Variants in NHSL1 observed in about 807,000 individuals in gnomAD.
NHSL1 encodes the protein NHS like 1.
In NHSL1, 48 loss-of-function variants were observed where a neutral mutation model predicts 95.0. That is an observed-to-expected ratio of 0.51 (90% CI 0.40 to 0.64). The LOEUF (loss-of-function observed/expected upper bound fraction) is 0.64, where lower values mean the gene tolerates loss of function less well. Among genes scored for constraint, NHSL1 ranks in the 30% least tolerant of loss-of-function variants. NHSL1 has a pLI of 0.00. For missense variants in NHSL1, 1,971 were observed against 2,077.7 expected (o/e 0.95, Z 1.00); for synonymous variants, 783 against 833.9 (o/e 0.94, Z 1.05).
chr6:138,496,548 T>C (rs1275692555), intron 1 of NHSL1, among the ~76,000 whole-genome samples, 177 bp from the exon 2 acceptor site: 1 of 152,182 alleles, frequency 6.6e-6, no homozygotes, highest in Non-Finnish European at 1.5e-5. Context: ...CACAGTGTTT[T>C]ACTTATAAAA....
intron 1 of NHSL1, among the ~76,000 whole-genome samples, chr6:138,543,076 T>C (rs1782645202): frequency 6.6e-6 from 1 of 152,216 alleles, no homozygotes; most frequent in Non-Finnish European, 1.5e-5. Flanking sequence ...TTCTACGTCT[T>C]AGAATAATCT....
chr6:138,502,210 G>T (rs113481682), upstream of NHSL1, among the ~76,000 whole-genome samples: 8 of 152,220 alleles, frequency 5.3e-5, no homozygotes, highest in Admixed American at 4.6e-4. Context: ...CATTTCTTGC[G>T]TTCTATATTA....
intron 1 of NHSL1, among the ~76,000 whole-genome samples, chr6:138,625,508 C>G (rs1227517014): frequency 6.6e-6 from 1 of 152,036 alleles, no homozygotes; most frequent in Non-Finnish European, 1.5e-5. Flanking sequence ...ATCACCACTC[C>G]TTACTGGGTA....
chr6:138,497,659 A>G (rs1433343692), intron 1 of NHSL1, among the ~76,000 whole-genome samples: 1 of 152,238 alleles, frequency 6.6e-6, no homozygotes, highest in African/African-American at 2.4e-5. Context: ...ACTTAGCTCA[A>G]GAAATAACTC....
intron 1 of NHSL1, among the ~76,000 whole-genome samples, chr6:138,565,256 C>T (rs779304439): frequency 3.9e-5 from 6 of 151,904 alleles, no homozygotes; most frequent in Non-Finnish European, 8.8e-5. Flanking sequence ...ACAGGTATGC[C>T]GCACTAAACC....
At chr6:138,506,186 C>G (rs1276611505) in intron 1 of NHSL1, among the ~76,000 whole-genome samples, 2 of 151,870 alleles carry the variant, frequency 1.3e-5, no homozygotes, top group African/African-American at 4.8e-5. Flanking sequence ...AATGTTTTAC[C>G]AATAGATAAA....
At chr6:138,627,224 C>T (rs979464213) in intron 1 of NHSL1, among the ~76,000 whole-genome samples, 2 of 152,190 alleles carry the variant, frequency 1.3e-5, no homozygotes, top group Non-Finnish European at 2.9e-5. Flanking sequence ...CTACCTACCA[C>T]ACAGTCTGTC....
chr6:138,594,453 TG>T (rs1160116858), intron 1 of NHSL1, among the ~76,000 whole-genome samples: 1 of 152,144 alleles, frequency 6.6e-6, no homozygotes, highest in Non-Finnish European at 1.5e-5. Flanking sequence ...GGGACTGACG[TG>T]ACATCGTTGA....
intron 1 of NHSL1, among the ~76,000 whole-genome samples, chr6:138,626,994 A>C (rs1425597054): frequency 2.0e-5 from 3 of 151,276 alleles, no homozygotes; most frequent in African/African-American, 7.3e-5. Flanking sequence ...ACACCTTCTT[A>C]TTGAAAGTCT....
chr6:138,438,799 A>C (rs1776349367), intron 5 of NHSL1, among the ~76,000 whole-genome samples: 1 of 152,166 alleles, frequency 6.6e-6, no homozygotes, highest in South Asian at 2.1e-4. Context: ...AACTACCAAA[A>C]ATTATTAATA....
At chr6:138,488,247 C>T (rs1779839643) in intron 2 of NHSL1, among the ~76,000 whole-genome samples, 1 of 151,800 alleles carries the variant, frequency 6.6e-6, no homozygotes, top group East Asian at 1.9e-4. Flanking sequence ...CACTGCACTC[C>T]AGCCTGGGCA....
intron 1 of NHSL1, among the ~76,000 whole-genome samples, chr6:138,670,054 G>A (rs1277640999): frequency 1.3e-5 from 2 of 152,100 alleles, no homozygotes; most frequent in African/African-American, 4.8e-5. Context: ...CCAGGAGGTG[G>A]AGGTTGCAGT....
rs546787260 is a variant in NHSL1, at chr6:138,433,372, G to T, written c.973C>A (p.Leu325Ile). 1.4e-5 allele frequency: 21 copies of T among 1,552,150 alleles called. No individual in the cohort carries two copies. Among genetic ancestry groups the T allele is most frequent in the Non-Finnish European group, 1.8e-5 (21 of 1,147,128 alleles). Residue 325 changes from leucine to isoleucine, a missense_variant, in exon 6 of 8, where the codon CTT (leucine) becomes ATT (isoleucine). Coordinates refer to ENST00000343505, the MANE Select transcript of NHSL1 (RefSeq NM_001144060.2). ...TTTGCCCTTGCTCCAGAACGCGGAA[G>T]ACTATGGAAGCCAGCATCACTGTCA... ...RLDSDAGFHS[L>I]PRSGARANIQ...
chr6:138,427,536 A>C (rs2128190916), intron 7 of NHSL1, among the ~76,000 whole-genome samples: 1 of 152,332 alleles, frequency 6.6e-6, no homozygotes, highest in East Asian at 1.9e-4. Context: ...ATTAAATCTA[A>C]ATGTACAAAT....
chr6:138,451,821 T>C (rs771692882), intron 3 of NHSL1, among the ~76,000 whole-genome samples: 6 of 152,212 alleles, frequency 3.9e-5, no homozygotes, highest in Non-Finnish European at 8.8e-5. Flanking sequence ...CTAGGTCTTC[T>C]GGTCTCAAAA....
intron 1 of NHSL1, among the ~76,000 whole-genome samples, chr6:138,686,195 T>A (rs1785582621): frequency 6.6e-6 from 1 of 152,212 alleles, no homozygotes; most frequent in Non-Finnish European, 1.5e-5. Flanking sequence ...GCCTATATGT[T>A]AATTAGCTTG....
intron 1 of NHSL1, among the ~76,000 whole-genome samples, chr6:138,634,210 A>G (rs1784858705): frequency 1.3e-5 from 2 of 152,210 alleles, no homozygotes; most frequent in African/African-American, 4.8e-5. Context: ...GTCCTTATTT[A>G]TCAATAACTT....
At chr6:138,434,761 G>A (rs569121377) in intron 5 of NHSL1, among the ~76,000 whole-genome samples, 5 of 152,142 alleles carry the variant, frequency 3.3e-5, no homozygotes, top group Non-Finnish European at 7.4e-5. Flanking sequence ...ACCTGGATGC[G>A]ACCCTAGGAC....
intron 1 of NHSL1, among the ~76,000 whole-genome samples, chr6:138,563,958 G>T (rs142749799): frequency 6.6e-6 from 1 of 152,292 alleles, no homozygotes; most frequent in Admixed American, 6.5e-5. Context: ...GTTAAGAAAA[G>T]ATTGCATTAG....
Sources: gnomAD v4.1 joint callset for allele counts (sites outside exome capture counted in the v4.1 genomes callset) on GRCh38, gnomAD v4.1.1 for gene constraint, MANE v1.5 for transcripts, NCBI Gene and HGNC (gene_info 2026-07-23, HGNC 2026-07-21) for gene names.